The following TEC variants were observed in gnomAD, a reference collection of about 807,000 sequenced individuals.
The protein encoded by TEC is tyrosine-protein kinase Tec.
In TEC, 72 loss-of-function variants were observed where a neutral mutation model predicts 93.0. The observed-to-expected ratio is 0.77, with a 90% CI of 0.64 to 0.94. TEC has a LOEUF of 0.94. TEC is among the 40% of genes least tolerant of loss of function. TEC has a pLI of 0.00. For missense variants in TEC, 630 were observed against 757.9 expected (o/e 0.83, Z 1.98); for synonymous variants, 249 against 247.7 (o/e 1.01, Z -0.05).
At chr4:48,232,060 A>C (rs1723662180) in intron 1 of TEC, among the ~76,000 whole-genome samples, 1 of 152,088 alleles carries the variant, frequency 6.6e-6, no homozygotes, top group Non-Finnish European at 1.5e-5. Context: ...AGACCAAGGC[A>C]GGAGGATCAC....
intron 9 of TEC, among the ~76,000 whole-genome samples, chr4:48,152,004 C>T (rs987386956): frequency 6.6e-6 from 1 of 152,032 alleles, no homozygotes; most frequent in African/African-American, 2.4e-5. Flanking sequence ...AAAAGTGTGT[C>T]CTTTATTAGT....
chr4:48,138,543 C>T lies in TEC; in HGVS notation c.1812+122G>A, dbSNP rs538779293. The T allele has an allele frequency of 3.4e-6, 4 of 1,181,102 alleles. No individual in the cohort carries two copies. The South Asian group carries it at 6.6e-5, about 19-fold the overall frequency. 73.2% of individuals were successfully genotyped at this position (1,181,102 alleles called of 1,614,324 possible). On this transcript the variant is annotated intron_variant, in intron 17 of 17. Coordinates refer to ENST00000381501, the MANE Select transcript of TEC (RefSeq NM_003215.3). ...TTGAGTTGAGAGGGTTGGCTTCCTA[C>T]CTAGAGCTTGAAATCACTATAAAGA...
intron 1 of TEC, among the ~76,000 whole-genome samples, chr4:48,230,071 G>A (rs564126589): frequency 1.5e-4 from 17 of 111,490 alleles, no homozygotes; most frequent in South Asian, 1.5e-3. Flanking sequence ...GCGAAACTCC[G>A]TCTCAATAAT....
intron 2 of TEC, among the ~76,000 whole-genome samples, chr4:48,202,969 C>T (rs1722582229): frequency 6.6e-6 from 1 of 152,222 alleles, no homozygotes; most frequent in South Asian, 2.1e-4. Flanking sequence ...AAATAATTTT[C>T]ACTTCACTTG....
intron 11 of TEC, among the ~76,000 whole-genome samples, chr4:48,147,369 A>G (rs1261836426): frequency 1.3e-5 from 2 of 152,202 alleles, no homozygotes; most frequent in Non-Finnish European, 2.9e-5. Flanking sequence ...GAAACAACCC[A>G]AATGTCCATC....
rs558677562 is a variant in TEC at position 48,186,273 on chromosome 4, C to G, written c.139-10087G>C. 2.0e-5 allele frequency among the ~76,000 whole-genome samples: 3 copies of G among 152,302 alleles called. No homozygotes were observed. In the East Asian group the frequency reaches 5.8e-4, roughly 29 times the overall value. Reference sequence around the variant, plus strand: ...GCCGAGATTGCAGCCTCTGCCTGGCCGCCACCCCGTCTGGGAAGTGAGGAG... The same window carrying G: ...GCCGAGATTGCAGCCTCTGCCTGGCGGCCACCCCGTCTGGGAAGTGAGGAG... On this transcript the variant is annotated intron_variant, in intron 2 of 17. Transcript: ENST00000381501.
chr4:48,222,899 C>T (rs1161888396), intron 2 of TEC, among the ~76,000 whole-genome samples: 3 of 152,040 alleles, frequency 2.0e-5, no homozygotes, highest in Non-Finnish European at 2.9e-5. Context: ...TATGTACATA[C>T]ATACACACAC....
intron 1 of TEC, among the ~76,000 whole-genome samples, chr4:48,265,517 T>TATA (rs1560430160): frequency 8.7e-4 from 63 of 72,702 alleles, no homozygotes; most frequent in African/African-American, 2.6e-3. Flanking sequence ...ATATATATAT[T>TATA]TTTTTTTTTT....
At chr4:48,175,349 G>A (rs1721279776) in intron 3 of TEC, among the ~76,000 whole-genome samples, 1 of 152,212 alleles carries the variant, frequency 6.6e-6, no homozygotes, top group Non-Finnish European at 1.5e-5. Flanking sequence ...AGGACATGGT[G>A]AGACCACAGC....
chr4:48,179,355 TATATATATATATATATATA>T (rs1560393090), intron 2 of TEC, among the ~76,000 whole-genome samples: 3 of 34,136 alleles, frequency 8.8e-5, no homozygotes, highest in African/African-American at 3.9e-4. Flanking sequence ...TATATATATA[TATATATATATATATATATA>T]TATTTTTTTT....
intron 14 of TEC, among the ~76,000 whole-genome samples, chr4:48,143,735 A>T (rs537214235): frequency 6.6e-6 from 1 of 152,298 alleles, no homozygotes; most frequent in Non-Finnish European, 1.5e-5. Context: ...TTAGAGCCAA[A>T]CTTCCTGGGT....
intron 1 of TEC, among the ~76,000 whole-genome samples, chr4:48,245,077 G>A (rs1052915970): frequency 1.3e-5 from 2 of 151,998 alleles, no homozygotes; most frequent in African/African-American, 2.4e-5. Flanking sequence ...GGAGTATCAC[G>A]AGGTGAGGAT....
At chr4:48,186,721 G>A (rs1721877720) in intron 2 of TEC, among the ~76,000 whole-genome samples, 1 of 151,420 alleles carries the variant, frequency 6.6e-6, no homozygotes, top group African/African-American at 2.4e-5. Context: ...CCAGGAGGTG[G>A]GGGGCAGCCC....
chr4:48,204,899 AG>A (rs978043179), intron 2 of TEC, among the ~76,000 whole-genome samples: 49 of 152,136 alleles, frequency 3.2e-4, no homozygotes, highest in African/African-American at 1.1e-3. Context: ...TCCGTGGTGC[AG>A]GGGCTGGGGA....
At chr4:48,171,228 C>T (rs930652442) in intron 4 of TEC, 140 bp downstream of exon 4, 1 of 682,336 alleles carries the variant, frequency 1.5e-6, no homozygotes, top group Non-Finnish European at 2.4e-6. Flanking sequence ...CTTACAACAA[C>T]AGCATATCCT....
chr4:48,259,272 A>C (rs184665901), intron 1 of TEC, among the ~76,000 whole-genome samples: 7 of 152,340 alleles, frequency 4.6e-5, no homozygotes, highest in Non-Finnish European at 8.8e-5. Flanking sequence ...TAACTTAGAA[A>C]TCCATGCAAG....
intron 1 of TEC, among the ~76,000 whole-genome samples, chr4:48,266,763 G>A (rs563042718): frequency 4.1e-4 from 63 of 151,946 alleles, no homozygotes; most frequent in South Asian, 2.3e-3. Context: ...GCTTGAACCC[G>A]GGAGGCAGAG....
intron 10 of TEC, among the ~76,000 whole-genome samples, chr4:48,150,126 T>A (rs1298681648): frequency 6.6e-6 from 1 of 152,180 alleles, no homozygotes; most frequent in South Asian, 2.1e-4. Flanking sequence ...TTGCTAAAAA[T>A]ACTTTCAAGA....
At chr4:48,210,977 C>T (rs1722881625) in intron 2 of TEC, among the ~76,000 whole-genome samples, 1 of 152,184 alleles carries the variant, frequency 6.6e-6, no homozygotes, top group South Asian at 2.1e-4. Context: ...CTACCAGGAC[C>T]TATCCTAGCC....
Sources: allele counts gnomAD v4.1 joint callset (sites outside exome capture counted in the v4.1 genomes callset), GRCh38; gene constraint gnomAD v4.1.1; transcripts MANE v1.5; gene names NCBI Gene and HGNC (gene_info 2026-07-23, HGNC 2026-07-21).